Variants in LHPP observed in about 807,000 individuals in gnomAD.
LHPP encodes phospholysine phosphohistidine inorganic pyrophosphate phosphatase, also known as hLHPP.
A neutral mutation model predicts 30.3 loss-of-function variants in LHPP; 24 were observed. The ratio of observed to expected loss-of-function variants is 0.79; its 90% CI spans 0.57 to 1.11. The LOEUF (loss-of-function observed/expected upper bound fraction) is 1.11. Among genes scored for constraint, LHPP ranks in the 50% most tolerant of loss-of-function variants. The pLI is 0.00. For missense variants in LHPP, 356 were observed against 367.2 expected (o/e 0.97, Z 0.25); for synonymous variants, 150 against 157.1 (o/e 0.95, Z 0.34).
intron 1 of LHPP, among the ~76,000 whole-genome samples, chr10:124,480,546 G>A (rs1953091752): frequency 6.6e-6 from 1 of 152,138 alleles, no homozygotes; most frequent in African/African-American, 2.4e-5. Flanking sequence ...AGTCCCAGGG[G>A]ACCCCCTGCA....
chr10:124,510,411 G>T lies in LHPP; in HGVS notation c.625-6769G>T, dbSNP rs184689136. The stretch of plus-strand genomic sequence containing the variant: ...TGCACCCAGCCGGCCCTGGCGTCCC[G>T]GCCCCCAGCCTCCGCCTCCCTCGCC... On this transcript the variant is annotated intron_variant, in intron 5 of 6. Transcript: ENST00000368842. This position sits in a 1 kb window ranked among gnomAD's most constrained non-coding sequence, Gnocchi z 4.0. Among the ~76,000 whole-genome samples, 1 of 151,944 alleles carries T rather than the reference G, an allele frequency of 6.6e-6. No individual in the cohort carries two copies. Among genetic ancestry groups the T allele is most frequent in the Non-Finnish European group, 1.5e-5 (1 of 67,964 alleles).
chr10:124,604,771 T>C (rs2134015314), intron 6 of LHPP, among the ~76,000 whole-genome samples: 1 of 152,348 alleles, frequency 6.6e-6, no homozygotes, highest in Admixed American at 6.5e-5. Flanking sequence ...AGCCGCCCCC[T>C]GCACCTGGCT....
At chr10:124,558,070 G>A (rs1035110464) in intron 6 of LHPP, among the ~76,000 whole-genome samples, 2 of 152,140 alleles carry the variant, frequency 1.3e-5, no homozygotes, top group African/African-American at 4.8e-5. Context: ...TTTGGAGGGT[G>A]TACCAGGCTG....
chr10:124,561,691 C>G (rs1285486737), intron 6 of LHPP, among the ~76,000 whole-genome samples: 2 of 151,582 alleles, frequency 1.3e-5, no homozygotes, highest in Admixed American at 6.6e-5. Flanking sequence ...ACGTCCACCC[C>G]ACCCAAGCAG....
In LHPP at chr10:124,498,018, C is replaced by T; in HGVS notation, c.532-18C>T. ...CCTTGATCCCAAACTTATGCCATGTCCCTCTCTCTTTTCCCAGTATGCCTG... is the reference window on the plus strand; with the variant it reads ...CCTTGATCCCAAACTTATGCCATGTTCCTCTCTCTTTTCCCAGTATGCCTG... On this transcript the variant is annotated intron_variant, in intron 4 of 6. Coordinates refer to ENST00000368842, the MANE Select transcript of LHPP (RefSeq NM_022126.4). 1 of 1,600,228 alleles carries T rather than the reference C, an allele frequency of 6.2e-7. No homozygotes were observed. The highest frequency in any genetic ancestry group is 8.6e-7 in the Non-Finnish European group (1 of 1,167,230).
At chr10:124,572,860 T>C (rs1411498179) in intron 6 of LHPP, among the ~76,000 whole-genome samples, 1 of 152,210 alleles carries the variant, frequency 6.6e-6, no homozygotes, top group Non-Finnish European at 1.5e-5. Flanking sequence ...AGCTCAGTCC[T>C]GTGGTCCCTG....
In LHPP at chr10:124,478,952, C is replaced by T. The variant is rs1953041705; in HGVS notation, c.126-5187C>T. Reference sequence around the variant, plus strand: ...GGCATGGTGGTGGGCACCTGTAATCCCAGCTACTCGGGAGACTGAGGCAGG... The same window carrying T: ...GGCATGGTGGTGGGCACCTGTAATCTCAGCTACTCGGGAGACTGAGGCAGG... On this transcript the variant is annotated intron_variant, in intron 1 of 6. Transcript: ENST00000368842. This position sits in a 1 kb window ranked among gnomAD's most constrained non-coding sequence, Gnocchi z 4.7. Among the ~76,000 whole-genome samples, 1 of 152,018 alleles carries T rather than the reference C, an allele frequency of 6.6e-6. No individual in the cohort carries two copies. The highest frequency in any genetic ancestry group is 1.5e-5 in the Non-Finnish European group (1 of 67,990).
At chr10:124,553,325 G>A (rs1189867149) in intron 6 of LHPP, among the ~76,000 whole-genome samples, 2 of 152,190 alleles carry the variant, frequency 1.3e-5, no homozygotes, top group South Asian at 4.1e-4. Flanking sequence ...CATGTGGGGA[G>A]CATATGGGGC....
intron 1 of LHPP, among the ~76,000 whole-genome samples, chr10:124,473,919 G>A (rs1952865836): frequency 6.6e-6 from 1 of 152,156 alleles, no homozygotes. Context: ...CTGCACTCCA[G>A]CCTGGGCAAT....
chr10:124,530,384 TCACCCGGGCC>T (rs955938755), intron 6 of LHPP, among the ~76,000 whole-genome samples: 1 of 151,444 alleles, frequency 6.6e-6, no homozygotes, highest in African/African-American at 2.4e-5. Context: ...CTACATACAC[TCACCCGGGCC>T]CACGTGTGCT....
intron 6 of LHPP, among the ~76,000 whole-genome samples, chr10:124,568,042 AG>A (rs1056340281): frequency 6.6e-6 from 1 of 151,836 alleles, no homozygotes; most frequent in South Asian, 2.1e-4. Flanking sequence ...CCTCCTTAGT[AG>A]GGGGGGACTA....
chr10:124,553,889 C>T (rs1231736096), intron 6 of LHPP: 1 of 985,356 alleles, frequency 1.0e-6, no homozygotes, highest in Non-Finnish European at 1.2e-6. Context: ...ATCTGTCTTA[C>T]CACAGGCTAA....
rs139808739 is a variant in LHPP, at chr10:124,509,245, G to A, written c.625-7935G>A. ...GACAGCTGTCTTTGTGCTTATTGAAGCACTTTAACGAAGCAGTTTTCACAG... is the reference window on the plus strand; with the variant it reads ...GACAGCTGTCTTTGTGCTTATTGAAACACTTTAACGAAGCAGTTTTCACAG... On this transcript the variant is annotated intron_variant, in intron 5 of 6. Transcript: ENST00000368842. 3.9e-5 allele frequency among the ~76,000 whole-genome samples: 6 copies of A among 152,276 alleles called. No homozygotes were observed. In the East Asian group the frequency reaches 1.2e-3, roughly 29 times the overall value.
intron 6 of LHPP, among the ~76,000 whole-genome samples, chr10:124,597,536 G>T (rs1948962409): frequency 6.6e-6 from 1 of 152,250 alleles, no homozygotes; most frequent in African/African-American, 2.4e-5. Context: ...GGGGCTGCGT[G>T]ACTCCAGCGC....
At chr10:124,534,297 A>C (rs2133935607) in intron 6 of LHPP, among the ~76,000 whole-genome samples, 1 of 152,282 alleles carries the variant, frequency 6.6e-6, no homozygotes, top group African/African-American at 2.4e-5. Flanking sequence ...CAGATGCTGG[A>C]TTGTCTTTCT....
At chr10:124,599,218 T>G (rs1323724152) in intron 6 of LHPP, among the ~76,000 whole-genome samples, 1 of 150,538 alleles carries the variant, frequency 6.6e-6, no homozygotes, top group Non-Finnish European at 1.5e-5. Context: ...TCCCCAGCCA[T>G]CCATCCTCCT....
rs1333158042 is a variant in LHPP, at chr10:124,478,309, A to G, written c.126-5830A>G. Among the ~76,000 whole-genome samples, 1 of 152,168 alleles carries G rather than the reference A, an allele frequency of 6.6e-6. No individual in the cohort carries two copies. The highest frequency in any genetic ancestry group is 2.4e-5 in the African/African-American group (1 of 41,460). ...CAGGCCCCAGGGGAGCATGAAAGCA[A>G]AGACTCAGGGTGCTATGAGGGCCTC... On this transcript the variant is annotated intron_variant, in intron 1 of 6. Transcript: ENST00000368842. The surrounding 1 kb of genome is among the most constrained non-coding windows in gnomAD (Gnocchi z 4.7).
intron 6 of LHPP, among the ~76,000 whole-genome samples, chr10:124,601,485 G>A (rs572557199): frequency 1.3e-5 from 2 of 152,168 alleles, no homozygotes; most frequent in African/African-American, 2.4e-5. Context: ...TCAAGGTACC[G>A]CATTTGCCAC....
Position 124,610,344 on chromosome 10 carries a change from CGGGTG to C in LHPP, c.717-2919_717-2915del, listed in dbSNP as rs1564852684. ...GGTGCGGGTGAGGGTGCTGATGGAG[CGGGTG>C]AGGGTGCGGGTGAGGGTGCTGGTGG... On this transcript the variant is annotated intron_variant, in intron 6 of 6. Transcript: ENST00000368842. Among the ~76,000 whole-genome samples the C allele has an allele frequency of 5.6e-5, 8 of 143,084 alleles. 1 individual carries two copies. Among genetic ancestry groups the C allele is most frequent in the African/African-American group, 1.1e-4 (4 of 35,780 alleles). 93.9% of individuals were successfully genotyped at this position (143,084 alleles called of 152,430 possible). A position where few individuals can be genotyped will look rare whatever the true frequency, so the allele number is the denominator to read the frequency against.
Sources: gnomAD v4.1 joint callset for allele counts (sites outside exome capture counted in the v4.1 genomes callset) on GRCh38, gnomAD v4.1.1 for gene constraint, Gnocchi (gnomAD v3.1) non-coding constraint, MANE v1.5 for transcripts, NCBI Gene and HGNC (gene_info 2026-07-23, HGNC 2026-07-21) for gene names.